The following NELFA variants were observed in gnomAD, a reference collection of about 807,000 sequenced individuals.
The protein encoded by NELFA is negative elongation factor A.
Under a neutral mutation model 51.8 loss-of-function variants are expected in NELFA, and 35 were observed. That is an observed-to-expected ratio of 0.68 (90% CI 0.52 to 0.90). The LOEUF is 0.90. Ranked by LOEUF, NELFA falls within the 40% of genes least tolerant of loss-of-function variation. The pLI is 0.00. For missense variants in NELFA, 658 were observed against 746.4 expected, an observed-to-expected ratio of 0.88 and a Z score of 1.38; for synonymous variants, 417 against 338.4, an observed-to-expected ratio of 1.23 and a Z score of -2.55.
Position 2,004,680 on chromosome 4 carries a change from G to T in NELFA, c.210+4070C>A, listed in dbSNP as rs573793526. Reference sequence around the variant, plus strand: ...TTTTTATATTTTTTATGGAGACAGGGTTTCACCATATTGCTCAGGCTGATC... The same window carrying T: ...TTTTTATATTTTTTATGGAGACAGGTTTTCACCATATTGCTCAGGCTGATC... On this transcript the variant is annotated intron_variant, in intron 1 of 10. Coordinates refer to ENST00000382882, the MANE Select transcript of NELFA (RefSeq NM_005663.5). 7.4e-5 allele frequency among the ~76,000 whole-genome samples: 11 copies of T among 149,260 alleles called. 1 individual carries two copies. In the South Asian group the frequency reaches 8.7e-4, roughly 12 times the overall value.
At position 1,984,698 on chromosome 4, in the gene NELFA, G is replaced by A. The variant is rs1728026463; in HGVS notation, c.1036+110C>T. 4.1e-6 allele frequency: 3 copies of A among 727,668 alleles called. No individual in the cohort carries two copies. The South Asian group carries it at 5.4e-5, about 13-fold the overall frequency. The allele number at this position is 727,668 out of a possible 1,614,324, so 45.1% of individuals were successfully genotyped here. On this transcript the variant is annotated intron_variant, in intron 8 of 10. Transcript: ENST00000382882. ...AGCAGATTCTGGCTGAGGCAGAAGG[G>A]GGACAACAGAGATGCAGGAGTGAGA...
chr4:2,001,589 C>A (rs1424300204), intron 1 of NELFA, among the ~76,000 whole-genome samples: 1 of 152,202 alleles, frequency 6.6e-6, no homozygotes, highest in Non-Finnish European at 1.5e-5. Context: ...TCAAAGAGAA[C>A]TACAAACCAC....
chr4:1,988,261 G>A (rs1030409932), intron 3 of NELFA, among the ~76,000 whole-genome samples: 9 of 152,230 alleles, frequency 5.9e-5, no homozygotes, highest in Admixed American at 2.0e-4. Context: ...TGGCAGGGGG[G>A]AGGCAGCCGA....
In NELFA at chr4:1,983,419, C is replaced by T. The variant is rs770575101; in HGVS notation, c.1487G>A (p.Gly496Asp). The T allele has an allele frequency of 6.2e-7, 1 of 1,614,224 alleles. No homozygotes were observed. Among genetic ancestry groups the T allele is most frequent in the South Asian group, 1.1e-5 (1 of 91,088 alleles). The change falls in exon 11 of 11, where the codon GGT becomes GAT. Residue 496 changes from glycine (G) to aspartate (D), a missense_variant. Transcript: ENST00000382882. ...TEDLPKADGQ[G>D]STTMLVDTVF... ...TGTGTCCACCAGCATGGTTGTGCTACCCTGGCCGTCCGCCTTGGGCAGGTC... is the reference window on the plus strand; with the variant it reads ...TGTGTCCACCAGCATGGTTGTGCTATCCTGGCCGTCCGCCTTGGGCAGGTC...
intron 1 of NELFA, among the ~76,000 whole-genome samples, chr4:2,008,410 G>A (rs2109072025): frequency 1.3e-5 from 2 of 151,136 alleles, no homozygotes; most frequent in Admixed American, 1.3e-4. Context: ...GTGAAAACTT[G>A]GGTAGGGGTG....
At chr4:1,996,492 G>C (rs1396682493) in intron 1 of NELFA, among the ~76,000 whole-genome samples, 1 of 152,158 alleles carries the variant, frequency 6.6e-6, no homozygotes, top group Non-Finnish European at 1.5e-5. Flanking sequence ...ACAGGAGAAA[G>C]AAAATTAGTG....
chr4:1,990,943 G>A (rs1425899782), intron 2 of NELFA, among the ~76,000 whole-genome samples: 1 of 152,192 alleles, frequency 6.6e-6, no homozygotes, highest in Non-Finnish European at 1.5e-5. Context: ...TGGGAGGACA[G>A]GCATGTGCCA....
Position 1,989,969 on chromosome 4 carries a change from G to C in NELFA, c.383-100C>G, listed in dbSNP as rs1728224760. 2.4e-5 allele frequency: 35 copies of C among 1,444,300 alleles called. 1 individual carries two copies. In the South Asian group the frequency reaches 4.7e-4, roughly 19 times the overall value. 89.5% of individuals were successfully genotyped at this position (1,444,300 alleles called of 1,614,324 possible). On this transcript the variant is annotated intron_variant, in intron 2 of 10. Transcript: ENST00000382882. The surrounding 1 kb of genome is among the most constrained non-coding windows in gnomAD (Gnocchi z 4.8). The stretch of plus-strand genomic sequence containing the variant: ...CCAGCCCCACACCCTCCTCAGTTAG[G>C]GTTAGGTCATGGGAGCTTCGGCTGT...
chr4:1,996,414 C>A (rs141633716), intron 1 of NELFA, among the ~76,000 whole-genome samples: 5 of 151,946 alleles, frequency 3.3e-5, no homozygotes, highest in Non-Finnish European at 7.4e-5. Context: ...CATACACACA[C>A]GAAAAGAAGC....
In NELFA at chr4:2,008,939, G is replaced by A. The variant is rs895011933; in HGVS notation, c.21C>T (p.Ser7=). 3 of 1,565,156 alleles carry A rather than the reference G, an allele frequency of 1.9e-6. No individual in the cohort carries two copies. The highest frequency in any genetic ancestry group is 1.4e-5 in the African/African-American group (1 of 74,016). Residue 7 remains serine, a synonymous_variant, in exon 1 of 11, where the codon AGC becomes AGT. Transcript: ENST00000382882. The part of the protein sequence containing the change: MASMRE[S]DTGLWLHNKL... ...TGTTGTGCAGCCACAGGCCCGTGTC[G>A]CTCTCCCGCATGGACGCCATCTTGG...
Position 1,986,305 on chromosome 4 carries a change from G to A in NELFA, c.732C>T (p.Ser244=), listed in dbSNP as rs1041258652. 2.5e-6 allele frequency: 4 copies of A among 1,590,858 alleles called. No homozygotes were observed. The highest frequency in any genetic ancestry group is 3.5e-5 in the Admixed American group (2 of 56,740). The change falls in exon 5 of 11, where the codon TCC becomes TCT. Residue 244 remains serine (S), a synonymous_variant. Coordinates refer to ENST00000382882, the MANE Select transcript of NELFA (RefSeq NM_005663.5). ...PTGNRTPIPP[S]RTLLRKERGV... ...CTCGTTCCTTCCGCAGCAGCGTCCT[G>A]GAAGGCGGGATGGGGGTCCGGTTCC...
intron 1 of NELFA, among the ~76,000 whole-genome samples, chr4:2,005,852 C>A (rs1340435364): frequency 6.6e-6 from 1 of 152,100 alleles, no homozygotes; most frequent in African/African-American, 2.4e-5. Context: ...CTACAGAGAT[C>A]ACAAAGAACA....
chr4:2,004,235 G>A (rs552008195), intron 1 of NELFA: 1 of 152,248 alleles, frequency 6.6e-6, no homozygotes, highest in Non-Finnish European at 1.5e-5. Flanking sequence ...CAAAAGACCA[G>A]ATGTATGATT....
rs530156014 is a variant in NELFA at position 1,987,775 on chromosome 4, C to T, written c.634+143G>A. Reference sequence around the variant, plus strand: ...AGAAGCCGGTGAAATTGCCCCAGTGCCTTCGCTTTCCCACGGGCTCCCAAC... The same window carrying T: ...AGAAGCCGGTGAAATTGCCCCAGTGTCTTCGCTTTCCCACGGGCTCCCAAC... On this transcript the variant is annotated intron_variant, in intron 4 of 10. Coordinates refer to ENST00000382882, the MANE Select transcript of NELFA (RefSeq NM_005663.5). 379 of 681,508 alleles carry T rather than the reference C, an allele frequency of 5.6e-4. 2 individuals carry two copies. The highest frequency in any genetic ancestry group is 5.4e-3 in the African/African-American group (295 of 54,806). The allele number at this position is 681,508 out of a possible 1,614,324, so 42.2% of individuals were successfully genotyped here.
rs1272399060 is a variant in NELFA at position 1,983,610 on chromosome 4, A to G, written c.1388T>C (p.Met463Thr). Residue 463 changes from methionine to threonine, a missense_variant, in exon 10 of 11, where the codon ATG becomes ACG. Met to Thr is a moderately conservative substitution (Grantham distance 81). Transcript: ENST00000382882. ...RPEKALILGF[M>T]AGSRENPCQE... ...TATGAACATACCTCGGGAGCCGGCC[A>G]TGAAGCCCAGGATGAGGGCCTTCTC... is the stretch of plus-strand genomic sequence containing the variant. The G allele has an allele frequency of 2.5e-6, 4 of 1,613,908 alleles. No homozygotes were observed. Among genetic ancestry groups the G allele is most frequent in the Non-Finnish European group, 3.4e-6 (4 of 1,179,994 alleles).
At chr4:1,999,440 G>T (rs1040788484) in intron 1 of NELFA, among the ~76,000 whole-genome samples, 9 of 151,980 alleles carry the variant, frequency 5.9e-5, no homozygotes, top group Non-Finnish European at 1.3e-4. Context: ...AGAATAACGG[G>T]ATGGAGGAAA....
At chr4:1,997,912 T>C (rs1214373909) in intron 1 of NELFA, among the ~76,000 whole-genome samples, 1 of 151,812 alleles carries the variant, frequency 6.6e-6, no homozygotes, top group East Asian at 1.9e-4. Context: ...AGATCAGAGG[T>C]CCCAGAAGAA....
chr4:2,000,543 A>C (rs1201805992), intron 1 of NELFA, among the ~76,000 whole-genome samples: 3 of 152,318 alleles, frequency 2.0e-5, no homozygotes, highest in Middle Eastern at 6.8e-3. Flanking sequence ...ATAAACTAGA[A>C]AATCTAGAAG....
chr4:1,987,134 G>C (rs1310200901), intron 4 of NELFA, among the ~76,000 whole-genome samples: 1 of 152,178 alleles, frequency 6.6e-6, no homozygotes, highest in Non-Finnish European at 1.5e-5. Context: ...CCTTCTACTA[G>C]GTCCCATGTG....
Sources: gnomAD v4.1 joint callset for allele counts (sites outside exome capture counted in the v4.1 genomes callset) on GRCh38, gnomAD v4.1.1 for gene constraint, Gnocchi (gnomAD v3.1) non-coding constraint, MANE v1.5 for transcripts, NCBI Gene and HGNC (gene_info 2026-07-23, HGNC 2026-07-21) for gene names.